The following TEP1 variants were observed in gnomAD, a reference collection of about 807,000 sequenced individuals.
TEP1 encodes telomerase protein component 1.
A neutral mutation model predicts 306.3 loss-of-function variants in TEP1; 241 were observed. The ratio of observed to expected loss-of-function variants is 0.79; its 90% CI spans 0.71 to 0.88. The LOEUF (loss-of-function observed/expected upper bound fraction) is 0.88. Among genes scored for constraint, TEP1 ranks in the 40% least tolerant of loss-of-function variants. The pLI, the probability that TEP1 is intolerant of heterozygous loss-of-function variation, is 0.00. For missense variants in TEP1, 3,051 were observed against 3,276.1 expected (o/e 0.93, Z 1.68); for synonymous variants, 1,289 against 1,305.5 (o/e 0.99, Z 0.27).
rs1173696965 is a variant in TEP1 at position 20,385,109 on chromosome 14, C to T, written c.2983G>A (p.Ala995Thr). ...NLPDHPHFHW[A>T]QQYPSGRSVT... is the part of the protein sequence containing the mutation. ...GAGCGCCCTGAAGGGTACTGCTGGG[C>T]CTGCGGGGAGGACAGAGACAGTGAG... The change falls in exon 21 of 55, where the codon GCC becomes ACC. Residue 995 changes from alanine (A) to threonine (T), a missense_variant and splice_region_variant. Coordinates refer to ENST00000262715, the MANE Select transcript of TEP1 (RefSeq NM_007110.5). 2 of 1,613,826 alleles carry T rather than the reference C, an allele frequency of 1.2e-6. No individual in the cohort carries two copies. Among genetic ancestry groups the T allele is most frequent in the Non-Finnish European group, 1.7e-6 (2 of 1,179,892 alleles).
In TEP1 at chr14:20,387,983, G is replaced by T; in HGVS notation, c.2606C>A (p.Pro869Gln). ...GAGAGACTGGACCCCTGTCTTTCCT[G>T]GGGGTGGTGGAATCTTGAATATTTT... The part of the protein sequence containing the change: ...MDKIFKIPPP[P>Q]GKTGVQSLRP... The change falls in exon 18 of 55, where the codon CCA becomes CAA. Residue 869 changes from proline to glutamine, a missense_variant. Physicochemically the swap from Pro to Gln is moderately conservative, Grantham distance 76. This residue lies in a region of TEP1 where 1,507 missense variants were observed against 1,550.5 expected (regional missense o/e 0.97). Transcript: ENST00000262715. 6.2e-7 allele frequency: 1 copy of T among 1,614,090 alleles called. No homozygotes were observed. Among genetic ancestry groups the T allele is most frequent in the Non-Finnish European group, 8.5e-7 (1 of 1,179,992 alleles).
chr14:20,391,690 T>A lies in TEP1; in HGVS notation c.2006A>T (p.His669Leu). ...GCGGCCTGGCAGCAGGGGCAGGCTGTGCTTCACAGAGAGGTTCACAGCTGT... is the reference window on the plus strand; with the variant it reads ...GCGGCCTGGCAGCAGGGGCAGGCTGAGCTTCACAGAGAGGTTCACAGCTGT... Reference protein sequence around the residue: ...LETAVNLSVKHSLPLLPGRTV... With the variant: ...LETAVNLSVKLSLPLLPGRTV... Residue 669 changes from histidine to leucine, a missense_variant, in exon 13 of 55, where the codon CAC (histidine) becomes CTC (leucine). Physicochemically the swap from His to Leu is moderately conservative, Grantham distance 99. Coordinates refer to ENST00000262715, the MANE Select transcript of TEP1 (RefSeq NM_007110.5). The A allele has an allele frequency of 6.2e-7, 1 of 1,614,228 alleles. No homozygotes were observed. Among genetic ancestry groups the A allele is most frequent in the Non-Finnish European group, 8.5e-7 (1 of 1,180,044 alleles).
At chr14:20,410,020 CAAAAAAAAAAAAAAAAAAAAA>C (rs570672845) in intron 1 of TEP1, among the ~76,000 whole-genome samples, 5 of 58,922 alleles carry the variant, frequency 8.5e-5, no homozygotes, top group Admixed American at 2.0e-4. Flanking sequence ...GACTCTGTCT[CAAAAAAAAAAAAAAAAAAAAA>C]AAAAAAAAAA....
intron 17 of TEP1, 78 bp from the exon 18 acceptor site, chr14:20,388,141 G>T: frequency 6.6e-7 from 1 of 1,522,252 alleles, no homozygotes; most frequent in South Asian, 1.2e-5. Context: ...AGGGCAGGGG[G>T]AAAAAGATAT....
At position 20,384,147 on chromosome 14, in the gene TEP1, C is replaced by G. The variant is rs1214862790; in HGVS notation, c.3425G>C (p.Ser1142Thr). ...CTGAAGAAGGCGTGGCCGGGCAGGA[C>G]TCGGTGGCTTCTGCAGCTGCTGGAA... ...ATFQQLQKPP[S>T]PARPRLLQDT... Residue 1142 changes from serine (S) to threonine (T), a missense_variant, in exon 24 of 55, where the codon AGT (serine) becomes ACT (threonine). Ser to Thr is a moderately conservative substitution (Grantham distance 58). This residue lies in a region of TEP1 where 1,507 missense variants were observed against 1,550.5 expected (regional missense o/e 0.97). Coordinates refer to ENST00000262715, the MANE Select transcript of TEP1 (RefSeq NM_007110.5). The G allele has an allele frequency of 8.7e-6, 14 of 1,614,092 alleles. No individual in the cohort carries two copies. Among genetic ancestry groups the G allele is most frequent in the Non-Finnish European group, 1.1e-5 (13 of 1,180,050 alleles).
chr14:20,371,555 A>C lies in TEP1; in HGVS notation c.7154T>G (p.Leu2385Arg). 6.2e-7 allele frequency: 1 copy of C among 1,607,506 alleles called. No individual in the cohort carries two copies. Residue 2385 changes from leucine (L) to arginine (R), a missense_variant, in exon 50 of 55, where the codon CTC (leucine) becomes CGC (arginine). Leu to Arg is a moderately radical substitution (Grantham distance 102). Transcript: ENST00000262715. ...CTTCAAATCTGCTTTGGCCAAGATG[A>C]GAAAGTGACCATCAGGAGCCCAATC... ...SLDWAPDGHFLILAKADLKLL... is the reference protein window; with the variant it reads ...SLDWAPDGHFRILAKADLKLL...
chr14:20,391,669 C>T lies in TEP1; in HGVS notation c.2027G>A (p.Gly676Asp). 1 of 1,614,204 alleles carries T rather than the reference C, an allele frequency of 6.2e-7. No individual in the cohort carries two copies. Among genetic ancestry groups the T allele is most frequent in the Non-Finnish European group, 8.5e-7 (1 of 1,180,038 alleles). The change falls in exon 13 of 55, where the codon GGC (glycine) becomes GAC (aspartate). Residue 676 changes from glycine to aspartate, a missense_variant. By Grantham distance (94) the Gly-to-Asp change is moderately conservative. Coordinates refer to ENST00000262715, the MANE Select transcript of TEP1 (RefSeq NM_007110.5). ...SVKHSLPLLP[G>D]RTVLVYLTDA... ...TGTCAGATAGACCAAGACAGTGCGG[C>T]CTGGCAGCAGGGGCAGGCTGTGCTT...
chr14:20,385,739 G>C (rs1270637620), intron 20 of TEP1, among the ~76,000 whole-genome samples: 2 of 152,154 alleles, frequency 1.3e-5, no homozygotes, highest in Non-Finnish European at 2.9e-5. Context: ...CTTTAATATA[G>C]GGAAATGGAG....
intron 6 of TEP1, 130 bp from the exon 7 acceptor site, chr14:20,403,578 T>C: frequency 1.3e-6 from 2 of 1,586,570 alleles, no homozygotes; most frequent in Non-Finnish European, 1.7e-6. Flanking sequence ...CCCTGCACCA[T>C]ATGCCCATGA....
intron 9 of TEP1, 60 bp from the exon 10 acceptor site, chr14:20,396,790 G>A (rs1878242581): frequency 2.4e-6 from 3 of 1,235,934 alleles, no homozygotes; most frequent in Middle Eastern, 1.9e-4. Flanking sequence ...ACAGTGGCAT[G>A]CACCTATAAT....
At chr14:20,390,578 T>G in intron 15 of TEP1, 103 bp downstream of exon 15, 1 of 1,074,020 alleles carries the variant, frequency 9.3e-7, no homozygotes, top group Non-Finnish European at 1.4e-6. Flanking sequence ...CTGACTATTG[T>G]ATGTGGTTGG....
At chr14:20,385,234 A>G in intron 20 of TEP1, 125 bp from the exon 21 acceptor site, 5 of 1,213,762 alleles carry the variant, frequency 4.1e-6, no homozygotes, top group Non-Finnish European at 5.7e-6. Flanking sequence ...GGCACAAGCA[A>G]TAAAATATAG....
chr14:20,403,862 T>C lies in TEP1; in HGVS notation c.1055A>G (p.Asn352Ser), dbSNP rs756084542. 6.2e-7 allele frequency: 1 copy of C among 1,614,120 alleles called. No homozygotes were observed. The highest frequency in any genetic ancestry group is 8.5e-7 in the Non-Finnish European group (1 of 1,180,024). ...ACAGGCGGGCAGGGGCACCAGCTTATTCTTATCTCCCTCAGCCAGGCTCTG... is the reference window on the plus strand; with the variant it reads ...ACAGGCGGGCAGGGGCACCAGCTTACTCTTATCTCCCTCAGCCAGGCTCTG... ...LYQSLAEGDKNKLVPLPACLR... is the reference protein window; with the variant it reads ...LYQSLAEGDKSKLVPLPACLR... The change falls in exon 6 of 55, where the codon AAT (asparagine) becomes AGT (serine). Residue 352 changes from asparagine (N) to serine (S), a missense_variant. Coordinates refer to ENST00000262715, the MANE Select transcript of TEP1 (RefSeq NM_007110.5).
In TEP1 at chr14:20,408,010, C is replaced by A; in HGVS notation, c.430G>T (p.Val144Leu). 6.2e-7 allele frequency: 1 copy of A among 1,614,200 alleles called. No homozygotes were observed. Among genetic ancestry groups the A allele is most frequent in the South Asian group, 1.1e-5 (1 of 91,086 alleles). The change falls in exon 2 of 55, where the codon GTG becomes TTG. Residue 144 changes from valine (V) to leucine (L), a missense_variant. Coordinates refer to ENST00000262715, the MANE Select transcript of TEP1 (RefSeq NM_007110.5). ...SHMTQADLYRVNNSNCLLSEP... is the reference protein window; with the variant it reads ...SHMTQADLYRLNNSNCLLSEP... ...GAGAGCAGGCAATTGCTGTTGTTCA[C>A]ACGGTACAAATCAGCTTGCGTCATG...
Position 20,384,104 on chromosome 14 carries a change from C to G in TEP1, c.3468G>C (p.Leu1156=). ...PRLLQDTVQR[L]MLPHGRLSLV... ...GGCTCAGCCTTCCGTGGGGCAGCAT[C>G]AGCCGTTGCACTGTGTCCTGAAGAA... Residue 1156 remains leucine, a synonymous_variant, in exon 24 of 55, where the codon CTG becomes CTC. Transcript: ENST00000262715. 1 of 1,614,024 alleles carries G rather than the reference C, an allele frequency of 6.2e-7. No homozygotes were observed. Among genetic ancestry groups the G allele is most frequent in the Non-Finnish European group, 8.5e-7 (1 of 1,180,026 alleles).
chr14:20,380,711 C>T (rs930636152), intron 33 of TEP1, among the ~76,000 whole-genome samples: 3 of 152,226 alleles, frequency 2.0e-5, no homozygotes, highest in Non-Finnish European at 2.9e-5. Flanking sequence ...TAGTTTTATG[C>T]TAACTAAATA....
chr14:20,388,224 T>C (rs113134604), intron 17 of TEP1, among the ~76,000 whole-genome samples, 161 bp from the exon 18 acceptor site: 1 of 152,288 alleles, frequency 6.6e-6, no homozygotes, highest in African/African-American at 2.4e-5. Flanking sequence ...AGACTTAAAA[T>C]AAATGAGGAT....
At chr14:20,380,892 C>T in intron 33 of TEP1, 39 bp downstream of exon 33, 1 of 1,560,580 alleles carries the variant, frequency 6.4e-7, no homozygotes, top group Non-Finnish European at 8.8e-7. Context: ...CCAGGAGTCC[C>T]ATATCTCAGA....
chr14:20,381,823 G>A lies in TEP1; in HGVS notation c.4424+90C>T, dbSNP rs1021712984. ...GAGCAGTAGCTCATTCATGGTCTGG[G>A]AGCCAGTTGTTGAAGCTATACAGAG... On this transcript the variant is annotated intron_variant, in intron 30 of 54. Transcript: ENST00000262715. This position sits in a 1 kb window ranked among gnomAD's most constrained non-coding sequence, Gnocchi z 4.0. 9 of 1,553,214 alleles carry A rather than the reference G, an allele frequency of 5.8e-6. No homozygotes were observed. The highest frequency in any genetic ancestry group is 1.4e-5 in the African/African-American group (1 of 72,984).
Sources: gnomAD v4.1 joint callset for allele counts (sites outside exome capture counted in the v4.1 genomes callset) on GRCh38, gnomAD v4.1.1 for gene constraint, gnomAD v4.1.1 regional missense constraint, Gnocchi (gnomAD v3.1) non-coding constraint, MANE v1.5 for transcripts, NCBI Gene and HGNC (gene_info 2026-07-23, HGNC 2026-07-21) for gene names.